Variants in EMX1 observed in about 807,000 individuals in gnomAD.
EMX1 encodes the protein homeobox protein EMX1.
A neutral mutation model predicts 20.1 loss-of-function variants in EMX1; 10 were observed. That is an observed-to-expected ratio of 0.50 (90% CI 0.31 to 0.84). The LOEUF (loss-of-function observed/expected upper bound fraction) is 0.84, where lower values mean the gene tolerates loss of function less well. Among genes scored for constraint, EMX1 ranks in the 40% least tolerant of loss-of-function variants. The probability of loss-of-function intolerance (pLI) is 0.05; values close to 1 mark genes in which losing one functional copy is unlikely to be tolerated. For synonymous variants in EMX1, 250 were observed against 200.4 expected (o/e 1.25, Z -2.09); for missense variants, 424 against 431.9 (o/e 0.98, Z 0.16).
At chr2:72,929,391 T>A (rs775147262) in intron 2 of EMX1, among the ~76,000 whole-genome samples, 1 of 151,924 alleles carries the variant, frequency 6.6e-6, no homozygotes, top group Non-Finnish European at 1.5e-5. Context: ...GAGATCATGG[T>A]TATGGTTGGT....
Position 72,917,766 on chromosome 2 carries a change from ACC to A in EMX1, c.-84_-83del. The A allele has an allele frequency of 8.5e-7, 1 of 1,182,554 alleles. No individual in the cohort carries two copies. The highest frequency in any genetic ancestry group is 1.1e-6 in the Non-Finnish European group (1 of 946,870). 73.3% of individuals were successfully genotyped at this position (1,182,554 alleles called of 1,614,324 possible). ...GGACCCCGCGGTCGCTCGCTCACAC[ACC>A]CCTCGCCGCTCCGCGCCTGGCTCGC... On this transcript the variant is annotated 5_prime_UTR_variant, in exon 1 of 3. Coordinates refer to ENST00000258106, the MANE Select transcript of EMX1 (RefSeq NM_004097.3).
chr2:72,929,751 C>T (rs928988806), intron 2 of EMX1, among the ~76,000 whole-genome samples: 1 of 152,226 alleles, frequency 6.6e-6, no homozygotes, highest in Admixed American at 6.5e-5. Flanking sequence ...TCTGAAATAT[C>T]GGCTGGAGCC....
chr2:72,931,886 G>A (rs1370464011), intron 2 of EMX1, among the ~76,000 whole-genome samples: 3 of 152,252 alleles, frequency 2.0e-5, no homozygotes, highest in African/African-American at 7.2e-5. Flanking sequence ...AGATGGCGCA[G>A]TGGAAGTTCT....
At chr2:72,924,979 G>A (rs1217650277) in intron 2 of EMX1, among the ~76,000 whole-genome samples, 2 of 152,264 alleles carry the variant, frequency 1.3e-5, no homozygotes, top group East Asian at 1.9e-4. Flanking sequence ...GGCCTTGGCT[G>A]CCCACCAGCC....
intron 2 of EMX1, chr2:72,925,579 T>G (rs1396716936): frequency 7.8e-7 from 1 of 1,283,512 alleles, no homozygotes; most frequent in Non-Finnish European, 1.0e-6. Context: ...CCGGCTGACT[T>G]TTCACCTTCC....
At chr2:72,929,330 A>G (rs1671249318) in intron 2 of EMX1, among the ~76,000 whole-genome samples, 3 of 152,176 alleles carry the variant, frequency 2.0e-5, no homozygotes, top group African/African-American at 7.2e-5. Context: ...TGAGAGAGAC[A>G]GAGGAAGGGT....
chr2:72,933,496 G>A (rs1671316590), intron 2 of EMX1: 2 of 402,896 alleles, frequency 5.0e-6, no homozygotes, highest in Non-Finnish European at 9.0e-6. Flanking sequence ...GCTTTGCTGG[G>A]GCTAGAGGAG....
chr2:72,919,737 T>C (rs1271917306), intron 1 of EMX1, among the ~76,000 whole-genome samples: 1 of 151,622 alleles, frequency 6.6e-6, no homozygotes, highest in Non-Finnish European at 1.5e-5. Context: ...TGGGTAGCCT[T>C]GCCTCCTCTT....
Position 72,934,019 on chromosome 2 carries a change from C to T in EMX1, c.*65C>T. 2 of 1,592,646 alleles carry T rather than the reference C, an allele frequency of 1.3e-6. No homozygotes were observed. Among genetic ancestry groups the T allele is most frequent in the East Asian group, 2.3e-5 (1 of 44,366 alleles). On this transcript the variant is annotated 3_prime_UTR_variant, in exon 3 of 3. Transcript: ENST00000258106. Reference sequence around the variant, plus strand: ...GCTGCTGGCCAGGCCCCTGCGTGGGCCCAAGCTGGACTCTGGCCACTCCCT... The same window carrying T: ...GCTGCTGGCCAGGCCCCTGCGTGGGTCCAAGCTGGACTCTGGCCACTCCCT...
chr2:72,921,699 AC>A lies in EMX1; in HGVS notation c.521-2606del, dbSNP rs1485283597. ...GCTTCTCTGTGATAGGGTTAGAAGG[AC>A]CCCTGTATTTTTGCACATGCATGTG... is the stretch of plus-strand genomic sequence containing the variant. On this transcript the variant is annotated intron_variant, in intron 1 of 2. Coordinates refer to ENST00000258106, the MANE Select transcript of EMX1 (RefSeq NM_004097.3). 2.2e-4 allele frequency among the ~76,000 whole-genome samples: 34 copies of A among 152,004 alleles called. 1 individual carries two copies. The highest frequency in any genetic ancestry group is 4.4e-5 in the Non-Finnish European group (3 of 67,982).
rs776800989 is a variant in EMX1 at position 72,918,258 on chromosome 2, C to T, written c.406C>T (p.Leu136=). The part of the protein sequence containing the change: ...PALTVHPAHQ[L]GASPLQPPHS... ...GCTGACCGTGCATCCGGCGCACCAG[C>T]TGGGCGCCTCCCCGCTGCAGCCCCC... Residue 136 remains leucine, a synonymous_variant, in exon 1 of 3, where the codon CTG becomes TTG. Coordinates refer to ENST00000258106, the MANE Select transcript of EMX1 (RefSeq NM_004097.3). 5.2e-5 allele frequency: 82 copies of T among 1,578,236 alleles called. No homozygotes were observed. The Admixed American group carries it at 1.3e-3, about 25-fold the overall frequency.
chr2:72,932,364 T>C (rs1433464595), intron 2 of EMX1, among the ~76,000 whole-genome samples: 1 of 152,202 alleles, frequency 6.6e-6, no homozygotes, highest in South Asian at 2.1e-4. Context: ...CAGCTGCAAG[T>C]GTCCCCAGAA....
At chr2:72,925,731 C>T in intron 2 of EMX1, 2 of 985,442 alleles carry the variant, frequency 2.0e-6, no homozygotes, top group Non-Finnish European at 2.4e-6. Flanking sequence ...TGAGGGAGCC[C>T]AGACCCAAAC....
chr2:72,925,888 C>T (rs1573898537), intron 2 of EMX1: 1 of 985,434 alleles, frequency 1.0e-6, no homozygotes, highest in African/African-American at 1.7e-5. Flanking sequence ...TTCAGATGTA[C>T]TAGCTGGGCT....
At chr2:72,918,533 C>T (rs370042430) in intron 1 of EMX1, among the ~76,000 whole-genome samples, 161 bp downstream of exon 1, 1 of 152,260 alleles carries the variant, frequency 6.6e-6, no homozygotes, top group African/African-American at 2.4e-5. Flanking sequence ...TGTGCGGCAT[C>T]CACCCGCGCC....
intron 1 of EMX1, among the ~76,000 whole-genome samples, chr2:72,922,000 T>G (rs375760226): frequency 1.3e-5 from 2 of 152,230 alleles, no homozygotes; most frequent in East Asian, 3.8e-4. Flanking sequence ...TGGGGCAGAC[T>G]GCAGACCTGC....
At position 72,930,817 on chromosome 2, in the gene EMX1, A is replaced by T. The variant is rs957702032; in HGVS notation, c.706-2970A>T. 5.9e-5 allele frequency among the ~76,000 whole-genome samples: 9 copies of T among 152,224 alleles called. No individual in the cohort carries two copies. Among genetic ancestry groups the T allele is most frequent in the Non-Finnish European group, 1.0e-4 (7 of 68,042 alleles). Reference sequence around the variant, plus strand: ...CTTTTCTTTTTCCAAGTAAAAAATAACTACCATTATCAATAATCTATTAAG... The same window carrying T: ...CTTTTCTTTTTCCAAGTAAAAAATATCTACCATTATCAATAATCTATTAAG... On this transcript the variant is annotated intron_variant, in intron 2 of 2. Coordinates refer to ENST00000258106, the MANE Select transcript of EMX1 (RefSeq NM_004097.3). The surrounding 1 kb of genome is among the most constrained non-coding windows in gnomAD (Gnocchi z 4.4).
At chr2:72,918,834 G>C (rs957234894) in intron 1 of EMX1, among the ~76,000 whole-genome samples, 1 of 152,168 alleles carries the variant, frequency 6.6e-6, no homozygotes, top group African/African-American at 2.4e-5. Context: ...GTCCATTCGC[G>C]TGCCCCAGCT....
intron 2 of EMX1, among the ~76,000 whole-genome samples, chr2:72,925,128 GGT>G (rs1671174660): frequency 6.6e-6 from 1 of 152,172 alleles, no homozygotes; most frequent in Admixed American, 6.5e-5. Context: ...TGGAAGCCAC[GGT>G]GTGCGCGCGC....
Sources: allele counts gnomAD v4.1 joint callset (sites outside exome capture counted in the v4.1 genomes callset), GRCh38; gene constraint gnomAD v4.1.1; non-coding constraint Gnocchi (gnomAD v3.1); transcripts MANE v1.5; gene names NCBI Gene and HGNC (gene_info 2026-07-23, HGNC 2026-07-21).